QRICH1: variants seen among roughly 807,000 people sequenced by gnomAD.
QRICH1 encodes the protein transcriptional regulator QRICH1.
QRICH1 carries 16 observed loss-of-function variants against 87.1 expected under a neutral mutation model. That is an observed-to-expected ratio of 0.18 (90% CI 0.12 to 0.28). The LOEUF is 0.28. Among genes scored for constraint, QRICH1 ranks in the 10% least tolerant of loss-of-function variants. QRICH1 has a pLI of 1.00. For missense variants in QRICH1, 647 were observed against 951.7 expected (o/e 0.68, Z 4.21); for synonymous variants, 367 against 368.4 (o/e 1.00, Z 0.05).
In QRICH1 at chr3:49,091,271, A is replaced by T. The variant is rs537646396; in HGVS notation, c.-22+2641T>A. Among the ~76,000 whole-genome samples, 7 of 152,268 alleles carry T rather than the reference A, an allele frequency of 4.6e-5. No individual in the cohort carries two copies. In the South Asian group the frequency reaches 1.4e-3, roughly 32 times the overall value. ...AGAAAAGAACAGGTATTCATGTAAC[A>T]CCTAATTCTAAGGCTAATTCAGAAA... On this transcript the variant is annotated intron_variant, in intron 1 of 9. Coordinates refer to ENST00000395443, the MANE Select transcript of QRICH1 (RefSeq NM_198880.3).
At chr3:49,075,895 C>T (rs776900858) in intron 2 of QRICH1, among the ~76,000 whole-genome samples, 7 of 152,148 alleles carry the variant, frequency 4.6e-5, no homozygotes, top group Non-Finnish European at 7.4e-5. Context: ...TGCACCACTG[C>T]ACTCCAGCCT....
chr3:49,035,922 A>ATC (rs59929397), intron 6 of QRICH1, among the ~76,000 whole-genome samples: 1 of 149,458 alleles, frequency 6.7e-6, no homozygotes, highest in South Asian at 2.1e-4. Context: ...AAAAAAAAAA[A>ATC]AAAAAACAAA....
chr3:49,066,620 C>T (rs1048800070), intron 2 of QRICH1, among the ~76,000 whole-genome samples: 1 of 151,952 alleles, frequency 6.6e-6, no homozygotes, highest in African/African-American at 2.4e-5. Context: ...ACCTGCCACC[C>T]GTGCCTGGCT....
intron 1 of QRICH1, among the ~76,000 whole-genome samples, chr3:49,085,313 G>C (rs774972544): frequency 6.6e-5 from 10 of 151,592 alleles, no homozygotes; most frequent in Middle Eastern, 3.4e-3. Flanking sequence ...GCCGAGGCAG[G>C]CGGATCACCA....
intron 6 of QRICH1, among the ~76,000 whole-genome samples, chr3:49,034,441 C>CAA (rs761722925): frequency 4.6e-5 from 5 of 109,488 alleles, no homozygotes; most frequent in Non-Finnish European, 3.8e-5. Context: ...GATCCTGTCT[C>CAA]AAAAAAAAAA....
At chr3:49,075,448 A>C (rs938101582) in intron 2 of QRICH1, among the ~76,000 whole-genome samples, 2 of 151,762 alleles carry the variant, frequency 1.3e-5, no homozygotes, top group Non-Finnish European at 2.9e-5. Flanking sequence ...CTGGCCAACA[A>C]GGTGAAACCC....
chr3:49,039,971 G>A (rs769435113), intron 6 of QRICH1, among the ~76,000 whole-genome samples: 1 of 152,046 alleles, frequency 6.6e-6, no homozygotes, highest in Non-Finnish European at 1.5e-5. Flanking sequence ...TGAGGCACGA[G>A]AATCACTTGA....
chr3:49,057,084 A>G lies in QRICH1; in HGVS notation c.1116T>C (p.His372=), dbSNP rs373734827. The G allele has an allele frequency of 2.5e-6, 4 of 1,614,048 alleles. No homozygotes were observed. The highest frequency in any genetic ancestry group is 2.7e-5 in the African/African-American group (2 of 74,916). The change falls in exon 3 of 10, where the codon CAT becomes CAC. Residue 372 remains histidine (H), a synonymous_variant. Transcript: ENST00000395443. The surrounding 1 kb of genome is among the most constrained non-coding windows in gnomAD (Gnocchi z 5.4). ...TTGCAAGGGTCTGCACTACCTCTTC[A>G]TGGGAGTTTTTCACTACAGATGTGG... ...VGTTSVVKNS[H]EEVVQTLANS...
intron 4 of QRICH1, 115 bp from the exon 5 acceptor site, chr3:49,046,694 G>T: frequency 1.7e-6 from 2 of 1,160,084 alleles, no homozygotes; most frequent in Non-Finnish European, 2.4e-6. Flanking sequence ...GTATCTACTA[G>T]AATGTTTCAT....
chr3:49,067,139 G>A (rs1286463297), intron 2 of QRICH1, among the ~76,000 whole-genome samples: 1 of 152,152 alleles, frequency 6.6e-6, no homozygotes, highest in Non-Finnish European at 1.5e-5. Context: ...ATACTAGGGA[G>A]TTAGAACCTC....
chr3:49,051,584 GCCCCC>G (rs11420410), intron 3 of QRICH1, among the ~76,000 whole-genome samples: 11 of 57,006 alleles, frequency 1.9e-4, no homozygotes, highest in African/African-American at 2.7e-4. Flanking sequence ...CCCCCCCTGC[GCCCCC>G]CCCCCCCTCC....
intron 6 of QRICH1, among the ~76,000 whole-genome samples, chr3:49,038,707 G>A (rs2093291192): frequency 6.6e-6 from 1 of 152,186 alleles, no homozygotes; most frequent in Non-Finnish European, 1.5e-5. Context: ...GTGAGCCACT[G>A]TGCCCAGCCA....
intron 1 of QRICH1, among the ~76,000 whole-genome samples, chr3:49,084,778 G>C (rs2042136463): frequency 6.6e-6 from 1 of 151,778 alleles, no homozygotes; most frequent in South Asian, 2.1e-4. Flanking sequence ...ATGATAAAAA[G>C]GAATGCTAAC....
At chr3:49,045,262 A>G (rs1367638201) in intron 5 of QRICH1, among the ~76,000 whole-genome samples, 1 of 151,136 alleles carries the variant, frequency 6.6e-6, no homozygotes, top group African/African-American at 2.5e-5. Flanking sequence ...GTTTTGAATA[A>G]ATTACCTTCA....
intron 2 of QRICH1, among the ~76,000 whole-genome samples, chr3:49,061,800 G>A (rs2093436666): frequency 6.6e-6 from 1 of 152,070 alleles, no homozygotes; most frequent in Non-Finnish European, 1.5e-5. Context: ...GCAGTGAGCC[G>A]AGATTGCACC....
intron 3 of QRICH1, among the ~76,000 whole-genome samples, chr3:49,048,539 A>T (rs1489888029): frequency 6.7e-6 from 1 of 150,346 alleles, no homozygotes; most frequent in African/African-American, 2.4e-5. Flanking sequence ...CTGTAGTCCC[A>T]GCACTTTGGG....
intron 4 of QRICH1, 40 bp from the exon 5 acceptor site, chr3:49,046,619 G>A (rs374878535): frequency 5.0e-6 from 8 of 1,602,618 alleles, no homozygotes; most frequent in Non-Finnish European, 6.8e-6. Flanking sequence ...GGTCCTGGGG[G>A]TCCATATCTG....
In QRICH1 at chr3:49,044,436, C is replaced by A. The variant is rs1223560790; in HGVS notation, c.1740G>T (p.Trp580Cys). The A allele has an allele frequency of 6.2e-7, 1 of 1,613,710 alleles. No individual in the cohort carries two copies. Among genetic ancestry groups the A allele is most frequent in the Non-Finnish European group, 8.5e-7 (1 of 1,179,854 alleles). The change falls in exon 6 of 10, where the codon TGG (tryptophan) becomes TGT (cysteine). Residue 580 changes from tryptophan to cysteine, a missense_variant. Trp to Cys is a radical substitution (Grantham distance 215, BLOSUM62 -2). Coordinates refer to ENST00000395443, the MANE Select transcript of QRICH1 (RefSeq NM_198880.3). ...SDLYYVRFTE[W>C]LHEVLKDVQP... ...GAACATCCTTCAGAACTTCATGTAG[C>A]CACTCCGTGAACCGAACATAATAAA...
chr3:49,073,184 C>T (rs2041878449), intron 2 of QRICH1, among the ~76,000 whole-genome samples: 1 of 152,126 alleles, frequency 6.6e-6, no homozygotes, highest in Admixed American at 6.6e-5. Context: ...TGAAATTAAA[C>T]CATAATAGAC....
Sources: allele counts gnomAD v4.1 joint callset (sites outside exome capture counted in the v4.1 genomes callset), GRCh38; gene constraint gnomAD v4.1.1; non-coding constraint Gnocchi (gnomAD v3.1); transcripts MANE v1.5; gene names NCBI Gene and HGNC (gene_info 2026-07-23, HGNC 2026-07-21).